The following TUBGCP5 variants were observed in gnomAD, a reference collection of about 807,000 sequenced individuals.
The protein encoded by TUBGCP5 is tubulin gamma complex component 5, also known as gamma-tubulin complex component 5.
TUBGCP5 carries 98 observed loss-of-function variants against 134.7 expected under a neutral mutation model. The ratio of observed to expected loss-of-function variants is 0.73; its 90% CI spans 0.62 to 0.86. TUBGCP5 has a LOEUF of 0.86. Ranked by LOEUF, TUBGCP5 falls within the 40% of genes least tolerant of loss-of-function variation. The pLI, the probability that TUBGCP5 is intolerant of heterozygous loss-of-function variation, is 0.00. For synonymous variants in TUBGCP5, 456 were observed against 431.4 expected, an observed-to-expected ratio of 1.06 and a Z score of -0.71; for missense variants, 1,150 against 1,244.8, an observed-to-expected ratio of 0.92 and a Z score of 1.15.
chr15:23,026,209 T>G lies in TUBGCP5; in HGVS notation c.738-4A>C. 1.9e-6 allele frequency: 3 copies of G among 1,611,952 alleles called. No individual in the cohort carries two copies. The highest frequency in any genetic ancestry group is 2.5e-6 in the Non-Finnish European group (3 of 1,178,592). On this transcript the variant is annotated splice_region_variant and splice_polypyrimidine_tract_variant and intron_variant, in intron 7 of 22. Coordinates refer to ENST00000615383, the MANE Select transcript of TUBGCP5 (RefSeq NM_052903.6). ...ACTGCTGTACAAGTGTTGGTCCCTA[T>G]GAGACAGCAAACATAAATGTCAATA...
Position 22,999,574 on chromosome 15 carries a change from T to C in TUBGCP5, c.*246A>G. On this transcript the variant is annotated 3_prime_UTR_variant, in exon 23 of 23. Coordinates refer to ENST00000615383, the MANE Select transcript of TUBGCP5 (RefSeq NM_052903.6). ...CACCACCATGTCTGGATACATTTTG[T>C]ATTTTTGGTAGACACCGGGTTTCAC... The C allele has an allele frequency of 2.0e-6, 1 of 504,670 alleles. No homozygotes were observed. Among genetic ancestry groups the C allele is most frequent in the Non-Finnish European group, 3.6e-6 (1 of 277,634 alleles). The allele number at this position is 504,670 out of a possible 1,614,324, so 31.3% of individuals were successfully genotyped here. A position where few individuals can be genotyped will look rare whatever the true frequency, so the allele number is the denominator to read the frequency against.
Position 23,027,257 on chromosome 15 carries a change from G to C in TUBGCP5, c.672C>G (p.Tyr224Ter), listed in dbSNP as rs139149953. 3 of 1,613,922 alleles carry C rather than the reference G, an allele frequency of 1.9e-6. No homozygotes were observed. The highest frequency in any genetic ancestry group is 2.5e-6 in the Non-Finnish European group (3 of 1,179,976). Residue 224 changes from tyrosine (Y) to a stop codon, truncating the protein, a stop_gained, in exon 7 of 23, where the codon TAC (tyrosine) becomes TAG (stop). Coordinates refer to ENST00000615383, the MANE Select transcript of TUBGCP5 (RefSeq NM_052903.6). LOFTEE classifies it high-confidence loss of function. Reference protein sequence around the residue: ...SWLEHHVVHQYWTARPSQFPH... With the variant: ...SWLEHHVVHQ The stretch of plus-strand genomic sequence containing the variant: ...GAAACTGGGAGGGCCTGGCTGTCCA[G>C]TACTGATGGACCACATGATGTTCCA...
chr15:22,986,365 AAAAGACC>A (rs1419866489), intron 23 of TUBGCP5, among the ~76,000 whole-genome samples: 1 of 152,134 alleles, frequency 6.6e-6, no homozygotes, highest in Non-Finnish European at 1.5e-5. Context: ...TTCCACACAC[AAAAGACC>A]ATGTACATAT....
In TUBGCP5 at chr15:22,999,867, C is replaced by T; in HGVS notation, c.3029-1G>A. 1 of 1,613,736 alleles carries T rather than the reference C, an allele frequency of 6.2e-7. No individual in the cohort carries two copies. The highest frequency in any genetic ancestry group is 8.5e-7 in the Non-Finnish European group (1 of 1,179,810). Reference sequence around the variant, plus strand: ...ATGAGTGACAACGCTAGAGATTCCACTGTGGGAAGAATAAAAATAAGGTTA... The same window carrying T: ...ATGAGTGACAACGCTAGAGATTCCATTGTGGGAAGAATAAAAATAAGGTTA... On this transcript the variant is annotated splice_acceptor_variant, in intron 22 of 22. Coordinates refer to ENST00000615383, the MANE Select transcript of TUBGCP5 (RefSeq NM_052903.6). LOFTEE classifies it high-confidence loss of function.
chr15:23,003,994 T>C, intron 20 of TUBGCP5, 108 bp downstream of exon 20: 1 of 1,395,614 alleles, frequency 7.2e-7, no homozygotes, highest in Non-Finnish European at 9.5e-7. Context: ...GGTTCTTCCT[T>C]AAAGAATATT....
At chr15:22,987,973 A>C (rs929295581) in intron 23 of TUBGCP5, among the ~76,000 whole-genome samples, 23 of 149,546 alleles carry the variant, frequency 1.5e-4, no homozygotes, top group African/African-American at 5.7e-4. Context: ...AGACACAGCC[A>C]GACAACAGCC....
chr15:23,010,507 C>T (rs147275468), intron 14 of TUBGCP5, among the ~76,000 whole-genome samples: 9 of 152,316 alleles, frequency 5.9e-5, no homozygotes, highest in Non-Finnish European at 8.8e-5. Context: ...CCAGGGCCCA[C>T]TCATGGCCCA....
At chr15:23,005,873 TAAA>T in intron 18 of TUBGCP5, 176 bp downstream of exon 18, 1 of 713,890 alleles carries the variant, frequency 1.4e-6, no homozygotes, top group Non-Finnish European at 2.2e-6. Context: ...TTGATGTCCA[TAAA>T]ACTACTGCTA....
chr15:22,987,374 T>C (rs912520646), intron 23 of TUBGCP5, among the ~76,000 whole-genome samples: 15 of 151,826 alleles, frequency 9.9e-5, no homozygotes, highest in Admixed American at 9.2e-4. Context: ...ACTGTCCTGT[T>C]TTTAGGTTTC....
At chr15:23,001,768 C>T (rs975608110) in intron 21 of TUBGCP5, among the ~76,000 whole-genome samples, 2 of 152,028 alleles carry the variant, frequency 1.3e-5, no homozygotes, top group Non-Finnish European at 2.9e-5. Flanking sequence ...TACACCTCCA[C>T]AGCCCCACCA....
In TUBGCP5 at chr15:23,031,794, C is replaced by G. The variant is rs116377868; in HGVS notation, c.486+156G>C. Reference sequence around the variant, plus strand: ...ACTTCTTACCACTAATGATTTGGTGCGAAATCCTAATCAGTCTTCCATAAT... The same window carrying G: ...ACTTCTTACCACTAATGATTTGGTGGGAAATCCTAATCAGTCTTCCATAAT... On this transcript the variant is annotated intron_variant, in intron 5 of 22. Transcript: ENST00000615383. 2.2e-4 allele frequency among the ~76,000 whole-genome samples: 34 copies of G among 152,114 alleles called. 1 individual carries two copies. Among genetic ancestry groups the G allele is most frequent in the South Asian group, 6.2e-4 (3 of 4,814 alleles).
chr15:23,004,706 T>G (rs976683561), intron 19 of TUBGCP5: 11 of 153,328 alleles, frequency 7.2e-5, no homozygotes, highest in African/African-American at 2.7e-4. Context: ...CATTTACTCT[T>G]AACAATTAGG....
At chr15:23,009,614 T>C (rs917012101) in intron 15 of TUBGCP5, among the ~76,000 whole-genome samples, 5 of 151,204 alleles carry the variant, frequency 3.3e-5, no homozygotes, top group African/African-American at 1.2e-4. Flanking sequence ...TATGTGGGTA[T>C]GTATATGCCA....
intron 13 of TUBGCP5, among the ~76,000 whole-genome samples, chr15:23,015,178 CG>C (rs1024067732): frequency 1.3e-5 from 2 of 152,018 alleles, no homozygotes; most frequent in Non-Finnish European, 2.9e-5. Flanking sequence ...CTCCGCCTTC[CG>C]GGTTCCAGTG....
In TUBGCP5 at chr15:23,024,879, A is replaced by T. The variant is rs191199006; in HGVS notation, c.828-49T>A. 3.5e-6 allele frequency: 4 copies of T among 1,149,680 alleles called. No individual in the cohort carries two copies. In the East Asian group the frequency reaches 9.6e-5, roughly 28 times the overall value. The allele number at this position is 1,149,680 out of a possible 1,614,324, so 71.2% of individuals were successfully genotyped here. On this transcript the variant is annotated intron_variant, in intron 8 of 22. Coordinates refer to ENST00000615383, the MANE Select transcript of TUBGCP5 (RefSeq NM_052903.6). Reference sequence around the variant, plus strand: ...GAGTGTACTTTAAGTCTAGAAAAATATTCATGACAGTATGCCCAGGACATT... The same window carrying T: ...GAGTGTACTTTAAGTCTAGAAAAATTTTCATGACAGTATGCCCAGGACATT...
At chr15:22,992,115 A>G (rs2063863117) in intron 23 of TUBGCP5, among the ~76,000 whole-genome samples, 1 of 152,154 alleles carries the variant, frequency 6.6e-6, no homozygotes. Flanking sequence ...CAGTCGTACG[A>G]CCTGACAGTC....
At chr15:23,020,584 CAAAAAAAAA>C (rs542905350) in intron 11 of TUBGCP5, among the ~76,000 whole-genome samples, 3 of 76,242 alleles carry the variant, frequency 3.9e-5, no homozygotes, top group East Asian at 3.1e-4. Flanking sequence ...GACTACGTCT[CAAAAAAAAA>C]AAAAAAAAAA....
intron 16 of TUBGCP5, among the ~76,000 whole-genome samples, chr15:23,006,859 A>G (rs1240216508): frequency 1.3e-5 from 2 of 152,188 alleles, no homozygotes; most frequent in Non-Finnish European, 2.9e-5. Context: ...GAGGAAAGCA[A>G]GCATCTAACA....
chr15:23,014,336 G>A (rs1318602019), intron 13 of TUBGCP5, among the ~76,000 whole-genome samples: 1 of 152,156 alleles, frequency 6.6e-6, no homozygotes, highest in Admixed American at 6.5e-5. Context: ...GGCCTTGCAC[G>A]GCATCTTTGG....
Sources: allele counts gnomAD v4.1 joint callset (sites outside exome capture counted in the v4.1 genomes callset), GRCh38; gene constraint gnomAD v4.1.1; transcripts MANE v1.5; gene names NCBI Gene and HGNC (gene_info 2026-07-23, HGNC 2026-07-21).